Variants in FAM161A observed in about 807,000 individuals in gnomAD.
FAM161A encodes FAM161 centrosomal protein A, also known as protein FAM161A.
Under a neutral mutation model 70.9 loss-of-function variants are expected in FAM161A, and 57 were observed. The observed-to-expected ratio is 0.80, with a 90% CI of 0.65 to 1.00. The LOEUF is 1.00. FAM161A is among the 50% of genes least tolerant of loss of function. The pLI is 0.00. For synonymous variants in FAM161A, 299 were observed against 295.7 expected (o/e 1.01, Z -0.12); for missense variants, 880 against 836.0 (o/e 1.05, Z -0.65).
rs190921568 is a variant in FAM161A at position 61,829,131 on chromosome 2, C to T, written c.1852-1873G>A. Reference sequence around the variant, plus strand: ...ATAAAGAAACCAAGTCTCCCCCGGCCCCCGCCTCAAAGGTGAAATTGACTA... The same window carrying T: ...ATAAAGAAACCAAGTCTCCCCCGGCTCCCGCCTCAAAGGTGAAATTGACTA... On this transcript the variant is annotated intron_variant, in intron 5 of 6. Transcript: ENST00000404929. 8.6e-4 allele frequency among the ~76,000 whole-genome samples: 131 copies of T among 152,310 alleles called. 2 individuals are homozygous for T. In the East Asian group the frequency reaches 0.016, roughly 18 times the overall value.
At chr2:61,819,874 T>G (rs1672166683), downstream of FAM161A, among the ~76,000 whole-genome samples, 1 of 152,198 alleles carries the variant, frequency 6.6e-6, no homozygotes. Context: ...GAATGAATAT[T>G]GTTATTTGCT....
At chr2:61,802,801 C>T in the FAM161A span, among the ~76,000 whole-genome samples, 61 of 152,210 alleles carry the variant, frequency 4.0e-4, no homozygotes, top group African/African-American at 1.4e-3. Context: ...GCAAGATGGT[C>T]GTAAGAGGTA....
At chr2:61,805,828 C>T in the FAM161A span, among the ~76,000 whole-genome samples, 2 of 152,046 alleles carry the variant, frequency 1.3e-5, no homozygotes, top group Non-Finnish European at 2.9e-5. Flanking sequence ...TCTTTTATTG[C>T]TAGGTTTTTT....
chr2:61,820,653 T>C, downstream of FAM161A: 2 of 502,376 alleles, frequency 4.0e-6, no homozygotes, highest in Non-Finnish European at 7.2e-6. Context: ...GTGATGATGG[T>C]ATTAGAGCTG....
intron 1 of FAM161A, among the ~76,000 whole-genome samples, chr2:61,846,136 C>T (rs1038453255): frequency 2.8e-5 from 4 of 142,346 alleles, no homozygotes; most frequent in Non-Finnish European, 4.6e-5. Context: ...TATAGGATCA[C>T]AGAGTGTTTA....
At chr2:61,845,790 G>GT (rs1408224731) in intron 1 of FAM161A, among the ~76,000 whole-genome samples, 2 of 151,388 alleles carry the variant, frequency 1.3e-5, no homozygotes, top group African/African-American at 4.9e-5. Context: ...GTGAGACCTT[G>GT]TATCAAGAAA....
At chr2:61,801,101 C>G in the FAM161A span, among the ~76,000 whole-genome samples, 42 of 152,074 alleles carry the variant, frequency 2.8e-4, no homozygotes, top group African/African-American at 9.4e-4. Context: ...AGCCATAAAT[C>G]TGCTATTTAT....
At chr2:61,818,297 C>T in the FAM161A span, among the ~76,000 whole-genome samples, 3 of 152,130 alleles carry the variant, frequency 2.0e-5, no homozygotes, top group Admixed American at 6.5e-5. Flanking sequence ...CTCAAGTGAT[C>T]CACCCGCCTC....
In FAM161A at chr2:61,839,920, G is replaced by T. The variant is rs1375972743; in HGVS notation, c.1084C>A (p.Arg362=). Residue 362 remains arginine (R), a synonymous_variant, in exon 3 of 7, where the codon CGA becomes AGA. Transcript: ENST00000404929. ...TTGGTAGTTGAACCATAAGTAGATC[G>T]AGGAATGGGTCTGGCTTTAAATCGA... The part of the protein sequence containing the change: ...TNRFKARPIP[R]STYGSTTNDK... 6.8e-6 allele frequency: 11 copies of T among 1,614,060 alleles called. No individual in the cohort carries two copies. The highest frequency in any genetic ancestry group is 9.3e-6 in the Non-Finnish European group (11 of 1,180,048).
In FAM161A at chr2:61,853,831, C is replaced by A. The variant is rs749658770; in HGVS notation, c.183+28G>T. 9 of 1,613,470 alleles carry A rather than the reference C, an allele frequency of 5.6e-6. No individual in the cohort carries two copies. The South Asian group carries it at 8.8e-5, about 16-fold the overall frequency. On this transcript the variant is annotated intron_variant, in intron 1 of 6. Transcript: ENST00000404929. ...AGCCTGCACCCAGCCCATGCGAGGT[C>A]CCAGCCCAAGTCCCGCCCCAGTATT...
At chr2:61,848,850 TTATATATATATTTATATATATATTTA>T (rs1673332929) in intron 1 of FAM161A, among the ~76,000 whole-genome samples, 2 of 7,844 alleles carry the variant, frequency 2.5e-4, no homozygotes, top group African/African-American at 5.6e-4. Flanking sequence ...ATATATATAT[TTATATATATATTTATATATATATTTA>T]TATATATATT....
chr2:61,802,842 A>G, the FAM161A span, among the ~76,000 whole-genome samples: 1 of 152,152 alleles, frequency 6.6e-6, no homozygotes, highest in Non-Finnish European at 1.5e-5. Context: ...CCTGCCATGC[A>G]CTTTCTCCAA....
At chr2:61,832,969 T>A (rs1672638260) in intron 5 of FAM161A, among the ~76,000 whole-genome samples, 2 of 152,052 alleles carry the variant, frequency 1.3e-5, no homozygotes, top group African/African-American at 4.8e-5. Flanking sequence ...GGAAAGGAAC[T>A]GATGAATTAC....
At chr2:61,838,476 T>G (rs777501370) in intron 4 of FAM161A, 62 bp downstream of exon 4, 6 of 1,380,654 alleles carry the variant, frequency 4.3e-6, no homozygotes, top group Non-Finnish European at 6.1e-6. Context: ...TACTATCTAC[T>G]GATTAAAAAA....
rs780349815 is a variant in FAM161A at position 61,827,277 on chromosome 2, T to C, written c.1852-19A>G. ...CATTTTTCTATAGGAAAGACAAACC[T>C]TTTTAGACGAGAACAGAAGACTTTA... On this transcript the variant is annotated intron_variant, in intron 5 of 6. Transcript: ENST00000404929. 1 of 1,610,412 alleles carries C rather than the reference T, an allele frequency of 6.2e-7. No homozygotes were observed. Among genetic ancestry groups the C allele is most frequent in the South Asian group, 1.1e-5 (1 of 91,034 alleles).
At chr2:61,815,695 C>T in the FAM161A span, among the ~76,000 whole-genome samples, 1 of 152,024 alleles carries the variant, frequency 6.6e-6, no homozygotes, top group South Asian at 2.1e-4. Context: ...GGATTACAGG[C>T]ATGTGCTACC....
downstream of FAM161A, among the ~76,000 whole-genome samples, chr2:61,823,318 G>A (rs1315611511): frequency 9.0e-6 from 1 of 111,564 alleles, no homozygotes; most frequent in African/African-American, 3.5e-5. Context: ...GGGCGACAGA[G>A]TGAGATTCCA....
At chr2:61,845,969 G>C (rs1290661769) in intron 1 of FAM161A, among the ~76,000 whole-genome samples, 2 of 151,554 alleles carry the variant, frequency 1.3e-5, no homozygotes, top group African/African-American at 4.8e-5. Flanking sequence ...TGTACCTGTA[G>C]TCCCAGCTAC....
the FAM161A span, among the ~76,000 whole-genome samples, chr2:61,815,670 C>T: frequency 6.7e-6 from 1 of 148,234 alleles, no homozygotes; most frequent in African/African-American, 2.5e-5. Context: ...CCTGCCTCAG[C>T]TTCCCAAATA....
Sources: allele counts gnomAD v4.1 joint callset (sites outside exome capture counted in the v4.1 genomes callset), GRCh38; gene constraint gnomAD v4.1.1; transcripts MANE v1.5; gene names NCBI Gene and HGNC (gene_info 2026-07-23, HGNC 2026-07-21).